The following ST6GALNAC3 variants were observed in gnomAD, a reference collection of about 807,000 sequenced individuals.
ST6GALNAC3 encodes the protein ST6 N-acetylgalactosaminide alpha-2,6-sialyltransferase 3.
ST6GALNAC3 carries 25 observed loss-of-function variants against 32.7 expected under a neutral mutation model. That is an observed-to-expected ratio of 0.76 (90% confidence interval 0.56 to 1.07). The LOEUF (loss-of-function observed/expected upper bound fraction) is 1.07. ST6GALNAC3 is among the 50% of genes least tolerant of loss of function. The pLI, the probability that ST6GALNAC3 is intolerant of heterozygous loss-of-function variation, is 0.00. For missense variants in ST6GALNAC3, 355 were observed against 382.4 expected (o/e 0.93, Z 0.60); for synonymous variants, 129 against 133.1 (o/e 0.97, Z 0.21).
chr1:76,245,955 A>C (rs1329277638), intron 1 of ST6GALNAC3, among the ~76,000 whole-genome samples: 1 of 152,120 alleles, frequency 6.6e-6, no homozygotes, highest in Admixed American at 6.6e-5. Flanking sequence ...GAAGTCCTGA[A>C]TATTGTTATT....
chr1:76,124,321 C>T (rs921826046), intron 1 of ST6GALNAC3, among the ~76,000 whole-genome samples: 5 of 152,052 alleles, frequency 3.3e-5, no homozygotes, highest in African/African-American at 1.2e-4. Flanking sequence ...ACAAATCATG[C>T]GCATTCTTTC....
chr1:76,398,946 C>T (rs1033591379), intron 2 of ST6GALNAC3, among the ~76,000 whole-genome samples: 3 of 152,024 alleles, frequency 2.0e-5, no homozygotes, highest in East Asian at 1.9e-4. Flanking sequence ...AGTAACATCT[C>T]GTTTTTAAAA....
intron 1 of ST6GALNAC3, among the ~76,000 whole-genome samples, chr1:76,201,753 G>A (rs540608188): frequency 5.9e-5 from 9 of 152,188 alleles, no homozygotes; most frequent in African/African-American, 1.9e-4. Flanking sequence ...AGTGGAAATC[G>A]CAGGCCTCTG....
intron 3 of ST6GALNAC3, among the ~76,000 whole-genome samples, chr1:76,445,309 A>T (rs1382678736): frequency 3.9e-5 from 6 of 152,174 alleles, no homozygotes; most frequent in Non-Finnish European, 5.9e-5. Context: ...TACATGATAG[A>T]TATGCAAATC....
At chr1:76,412,540 A>T in intron 3 of ST6GALNAC3, 123 bp downstream of exon 3, 1 of 1,092,098 alleles carries the variant, frequency 9.2e-7, no homozygotes, top group East Asian at 2.6e-5. Context: ...ATATGTTTTG[A>T]CTATTATGAT....
intron 2 of ST6GALNAC3, among the ~76,000 whole-genome samples, chr1:76,344,590 A>T (rs914177909): frequency 3.9e-5 from 6 of 152,202 alleles, no homozygotes; most frequent in Non-Finnish European, 8.8e-5. Flanking sequence ...ACCGGCACAT[A>T]GTAGATACTC....
At chr1:76,573,067 C>G (rs1324884938) in intron 3 of ST6GALNAC3, among the ~76,000 whole-genome samples, 4 of 151,950 alleles carry the variant, frequency 2.6e-5, no homozygotes, top group African/African-American at 7.3e-5. Flanking sequence ...AAGTGAGTTG[C>G]CAGGGGAGTC....
In ST6GALNAC3 at chr1:76,314,139, G is replaced by A. The variant is rs144100943; in HGVS notation, c.213+140G>A. On this transcript the variant is annotated intron_variant, in intron 2 of 4. Transcript: ENST00000328299. Reference sequence around the variant, plus strand: ...GCTTGGGTCCCTGACAACATCTTCTGTCTTATTATTCTTAGACATTTACTG... The same window carrying A: ...GCTTGGGTCCCTGACAACATCTTCTATCTTATTATTCTTAGACATTTACTG... The A allele has an allele frequency of 6.0e-5, 41 of 686,330 alleles. No individual in the cohort carries two copies. The East Asian group carries it at 1.1e-3, about 18-fold the overall frequency. 42.5% of individuals were successfully genotyped at this position (686,330 alleles called of 1,614,324 possible).
chr1:76,580,306 C>T (rs1646874182), intron 3 of ST6GALNAC3, among the ~76,000 whole-genome samples: 2 of 152,106 alleles, frequency 1.3e-5, no homozygotes, highest in Non-Finnish European at 2.9e-5. Flanking sequence ...CCACTCTTCA[C>T]TCTGTAGGGG....
intron 1 of ST6GALNAC3, among the ~76,000 whole-genome samples, chr1:76,286,444 A>G (rs1659784412): frequency 1.3e-5 from 2 of 152,224 alleles, no homozygotes; most frequent in Non-Finnish European, 2.9e-5. Flanking sequence ...AGATGTTTTA[A>G]CACAGACACA....
intron 2 of ST6GALNAC3, among the ~76,000 whole-genome samples, chr1:76,368,826 G>A (rs1650590157): frequency 6.6e-6 from 1 of 152,082 alleles, no homozygotes; most frequent in South Asian, 2.1e-4. Flanking sequence ...GGCATTCAGA[G>A]GGCTGTGGAA....
intron 1 of ST6GALNAC3, among the ~76,000 whole-genome samples, chr1:76,300,338 T>A (rs1243581958): frequency 6.6e-6 from 1 of 151,808 alleles, no homozygotes; most frequent in Non-Finnish European, 1.5e-5. Flanking sequence ...TGGGCCAGAG[T>A]GGGAGCCATG....
chr1:76,159,804 A>T (rs567267236), intron 1 of ST6GALNAC3, among the ~76,000 whole-genome samples: 37 of 152,310 alleles, frequency 2.4e-4, no homozygotes, highest in African/African-American at 8.2e-4. Flanking sequence ...CATGCCATAA[A>T]CTGTGCTAAG....
intron 3 of ST6GALNAC3, among the ~76,000 whole-genome samples, chr1:76,534,588 A>G (rs1188467544): frequency 2.6e-5 from 4 of 152,176 alleles, no homozygotes; most frequent in Non-Finnish European, 5.9e-5. Flanking sequence ...CTTTGAGATC[A>G]GAGACCACCT....
At chr1:76,254,018 C>G (rs1032555029) in intron 1 of ST6GALNAC3, among the ~76,000 whole-genome samples, 2 of 152,086 alleles carry the variant, frequency 1.3e-5, no homozygotes, top group Non-Finnish European at 2.9e-5. Context: ...AAGTAATGTT[C>G]TGGAAGGGGC....
intron 1 of ST6GALNAC3, among the ~76,000 whole-genome samples, chr1:76,098,782 T>C (rs1251570): frequency 0.35 from 53,278 of 152,004 alleles, 9,916 homozygotes; most frequent in South Asian, 0.43. Context: ...TACTACAGCC[T>C]ATTTTCTTAA....
At chr1:76,578,460 T>C (rs1646844383) in intron 3 of ST6GALNAC3, among the ~76,000 whole-genome samples, 1 of 152,058 alleles carries the variant, frequency 6.6e-6, no homozygotes, top group South Asian at 2.1e-4. Context: ...TAGTAGAGTA[T>C]TAAGATGGAT....
At chr1:76,348,585 T>G (rs901955600) in intron 2 of ST6GALNAC3, among the ~76,000 whole-genome samples, 10 of 152,168 alleles carry the variant, frequency 6.6e-5, no homozygotes, top group Non-Finnish European at 1.2e-4. Context: ...TTTTCCAACT[T>G]TTTTTCTTTC....
At chr1:76,444,077 A>C (rs1321122147) in intron 3 of ST6GALNAC3, among the ~76,000 whole-genome samples, 1 of 152,228 alleles carries the variant, frequency 6.6e-6, no homozygotes, top group Non-Finnish European at 1.5e-5. Context: ...TCTACAGATC[A>C]AGTTTTAATT....
Sources: gnomAD v4.1 joint callset for allele counts (sites outside exome capture counted in the v4.1 genomes callset) on GRCh38, gnomAD v4.1.1 for gene constraint, MANE v1.5 for transcripts, NCBI Gene and HGNC (gene_info 2026-07-23, HGNC 2026-07-21) for gene names.